Variants in HEPH observed in about 807,000 individuals in gnomAD.
HEPH encodes the protein hephaestin.
Under a neutral mutation model 80.8 loss-of-function variants are expected in HEPH, and 69 were observed. The observed-to-expected ratio is 0.85, with a 90% CI of 0.70 to 1.04. The LOEUF (loss-of-function observed/expected upper bound fraction) is 1.04. Among genes scored for constraint, HEPH ranks in the 50% least tolerant of loss-of-function variants. The pLI, the probability that HEPH is intolerant of heterozygous loss-of-function variation, is 0.00. For synonymous variants in HEPH, 431 were observed against 322.8 expected, an observed-to-expected ratio of 1.34 and a Z score of -3.60; for missense variants, 1,115 against 891.3, an observed-to-expected ratio of 1.25 and a Z score of -3.20.
intron 15 of HEPH, among the ~76,000 whole-genome samples, chrX:66,224,086 CTTT>C (rs528968841): frequency 2.1e-5 from 2 of 97,054 alleles, no homozygotes; most frequent in African/African-American, 3.8e-5. Context: ...CTTTCCCCCG[CTTT>C]TTTTTTTTTT....
At chrX:66,248,545 C>A (rs1433553763) in intron 15 of HEPH, among the ~76,000 whole-genome samples, 1 of 112,080 alleles carries the variant, frequency 8.9e-6, no homozygotes, top group Admixed American at 9.5e-5. Context: ...TAAAGTGCTT[C>A]TTTTAGTGAA....
At chrX:66,229,778 GT>G (rs753619826) in intron 15 of HEPH, among the ~76,000 whole-genome samples, 1 of 109,032 alleles carries the variant, frequency 9.2e-6, no homozygotes, top group Non-Finnish European at 1.9e-5. Context: ...CTTTTTTTTT[GT>G]TTTGTTTTAT....
chrX:66,179,417 T>C (rs943918334), intron 4 of HEPH, among the ~76,000 whole-genome samples: 2 of 111,934 alleles, frequency 1.8e-5, no homozygotes, highest in Non-Finnish European at 3.8e-5. Context: ...TAGGATTGAC[T>C]TGGCAATGCG....
chrX:66,223,539 TAG>T (rs1333964378), intron 15 of HEPH, among the ~76,000 whole-genome samples: 1 of 111,909 alleles, frequency 8.9e-6, no homozygotes, highest in Non-Finnish European at 1.9e-5. Flanking sequence ...AAGATTTTTA[TAG>T]ACTCTTTTTA....
Position 66,266,587 on chromosome X carries a change from G to T in HEPH, c.3392G>T (p.Trp1131Leu), listed in dbSNP as rs764812902. ...LVVLALGGVVWYQHRQRKLRR... is the reference protein window; with the variant it reads ...LVVLALGGVVLYQHRQRKLRR... ...GTTCTGGCTCTTGGTGGAGTGGTTT[G>T]GTACCAACATCGACAGAGAAAGCTA... Residue 1131 changes from tryptophan (W) to leucine (L), a missense_variant, in exon 21 of 21, where the codon TGG becomes TTG. By Grantham distance (61) the Trp-to-Leu change is moderately conservative. Coordinates refer to ENST00000343002, the MANE Select transcript of HEPH (RefSeq NM_001367233.3). 1 of 1,207,893 alleles carries T rather than the reference G, an allele frequency of 8.3e-7. No homozygotes were observed. Among genetic ancestry groups the T allele is most frequent in the Non-Finnish European group, 1.1e-6 (1 of 894,253 alleles).
intron 6 of HEPH, 68 bp from the exon 7 acceptor site, chrX:66,192,062 G>T (rs922363520): frequency 2.9e-6 from 3 of 1,045,876 alleles, no homozygotes; most frequent in Non-Finnish European, 2.6e-6. Context: ...ACAGAAGGAG[G>T]AAGGTGAGTC....
Position 66,173,642 on chromosome X carries a change from C to A in HEPH, c.466C>A (p.Pro156Thr). The change falls in exon 4 of 21, where the codon CCC (proline) becomes ACC (threonine). Residue 156 changes from proline to threonine, a missense_variant. By Grantham distance (38) the Pro-to-Thr change is conservative. Transcript: ENST00000343002. Reference protein sequence around the residue: ...SGPLKADDSVPPGGSHIYNWT... With the variant: ...SGPLKADDSVTPGGSHIYNWT... ...GCCACTGAAAGCTGATGACTCTGTTCCCCCGGGGGGCAGCCATATCTACAA... is the reference window on the plus strand; with the variant it reads ...GCCACTGAAAGCTGATGACTCTGTTACCCCGGGGGGCAGCCATATCTACAA... 8.3e-7 allele frequency: 1 copy of A among 1,210,512 alleles called. No homozygotes were observed. Among genetic ancestry groups the A allele is most frequent in the Non-Finnish European group, 1.1e-6 (1 of 894,750 alleles).
Position 66,260,105 on chromosome X carries a change from C to T in HEPH, c.3042C>T (p.Gly1014=), listed in dbSNP as rs1201153761. ...ATTCCCAATCTCTCTTGCAGAATGGCGAGAACTACCGGGCAGATGTGGTGG... is the reference window on the plus strand; with the variant it reads ...ATTCCCAATCTCTCTTGCAGAATGGTGAGAACTACCGGGCAGATGTGGTGG... ...FHAESFLYRN[G]ENYRADVVDL... Residue 1014 remains glycine, a synonymous_variant, in exon 19 of 21, where the codon GGC becomes GGT. Transcript: ENST00000343002. 2.0e-5 allele frequency: 24 copies of T among 1,203,309 alleles called. No individual in the cohort carries two copies. Among genetic ancestry groups the T allele is most frequent in the East Asian group, 8.9e-5 (3 of 33,645 alleles).
At chrX:66,199,773 A>G (rs2088322070) in intron 11 of HEPH, among the ~76,000 whole-genome samples, 1 of 112,372 alleles carries the variant, frequency 8.9e-6, no homozygotes, top group African/African-American at 3.2e-5. Flanking sequence ...CTGAACGAAG[A>G]TACGACAGGT....
At chrX:66,233,301 A>T (rs1377148550) in intron 15 of HEPH, among the ~76,000 whole-genome samples, 2 of 111,659 alleles carry the variant, frequency 1.8e-5, no homozygotes, top group African/African-American at 6.5e-5. Flanking sequence ...CCTGAAAGGC[A>T]TCCATCACTG....
At chrX:66,254,435 G>A (rs1051616781) in intron 15 of HEPH, among the ~76,000 whole-genome samples, 6 of 111,546 alleles carry the variant, frequency 5.4e-5, no homozygotes, top group African/African-American at 2.0e-4. Flanking sequence ...GGAAACGGTG[G>A]TTTTTCAAAG....
chrX:66,263,744 G>A, intron 20 of HEPH, 56 bp downstream of exon 20: 1 of 1,083,908 alleles, frequency 9.2e-7, no homozygotes, highest in Non-Finnish European at 1.3e-6. Flanking sequence ...TGTGTATGAG[G>A]TTGGGTGAAG....
intron 15 of HEPH, among the ~76,000 whole-genome samples, chrX:66,243,396 T>G (rs2090680610): frequency 8.9e-6 from 1 of 112,503 alleles, no homozygotes. Context: ...TTTTGTTGAA[T>G]TGAACCCTTT....
In HEPH at chrX:66,173,787, T is replaced by A; in HGVS notation, c.611T>A (p.Ile204Asn). ...DIATGLIGPLITCKRGALDGN... is the reference protein window; with the variant it reads ...DIATGLIGPLNTCKRGALDGN... Reference sequence around the variant, plus strand: ...GCAACTGGCCTAATTGGGCCTCTCATCACCTGTAAAAGAGGTACAGGTCCC... The same window carrying A: ...GCAACTGGCCTAATTGGGCCTCTCAACACCTGTAAAAGAGGTACAGGTCCC... The change falls in exon 4 of 21, where the codon ATC (isoleucine) becomes AAC (asparagine). Residue 204 changes from isoleucine to asparagine, a missense_variant. By Grantham distance (149) the Ile-to-Asn change is moderately radical (BLOSUM62 -3). Transcript: ENST00000343002. The A allele has an allele frequency of 1.7e-6, 2 of 1,186,539 alleles. No homozygotes were observed. The highest frequency in any genetic ancestry group is 2.3e-6 in the Non-Finnish European group (2 of 880,342).
At chrX:66,201,164 A>G (rs748843443) in intron 12 of HEPH, among the ~76,000 whole-genome samples, 77 of 110,705 alleles carry the variant, frequency 7.0e-4, no homozygotes, top group African/African-American at 2.5e-3. Flanking sequence ...CTACAGACTC[A>G]TTTCTGATCT....
At chrX:66,174,227 T>C (rs1028735890) in intron 4 of HEPH, among the ~76,000 whole-genome samples, 1 of 111,026 alleles carries the variant, frequency 9.0e-6, no homozygotes, top group Non-Finnish European at 1.9e-5. Flanking sequence ...ACCCTCACAG[T>C]TTAGCTTCCA....
intron 9 of HEPH, 144 bp from the exon 10 acceptor site, chrX:66,197,539 G>T (rs1446776140): frequency 4.2e-6 from 2 of 475,736 alleles, no homozygotes; most frequent in Non-Finnish European, 3.6e-6. Flanking sequence ...CTTGACCAGA[G>T]TTCTCCTCAT....
chrX:66,180,649 T>C, intron 4 of HEPH, among the ~76,000 whole-genome samples: 1 of 62,937 alleles, frequency 1.6e-5, no homozygotes, highest in Admixed American at 1.5e-4. Context: ...TTCACAGCTG[T>C]ATTTTTTTTT....
At chrX:66,247,438 C>G (rs1409789440) in intron 15 of HEPH, among the ~76,000 whole-genome samples, 1 of 108,615 alleles carries the variant, frequency 9.2e-6, no homozygotes, top group Admixed American at 1.0e-4. Flanking sequence ...TCTGCCTGCT[C>G]AAATCTGCTG....
Sources: allele counts gnomAD v4.1 joint callset (sites outside exome capture counted in the v4.1 genomes callset), GRCh38; gene constraint gnomAD v4.1.1; transcripts MANE v1.5; gene names NCBI Gene and HGNC (gene_info 2026-07-23, HGNC 2026-07-21).